CDK15: variants seen among roughly 807,000 people sequenced by gnomAD.
CDK15 encodes cyclin-dependent kinase 15.
Under a neutral mutation model 60.3 loss-of-function variants are expected in CDK15, and 62 were observed. The observed-to-expected ratio is 1.03, with a 90% CI of 0.84 to 1.27. The LOEUF is 1.27. CDK15 is among the 50% of genes most tolerant of loss of function. CDK15 has a pLI of 0.00. For synonymous variants in CDK15, 194 were observed against 195.7 expected, an observed-to-expected ratio of 0.99 and a Z score of 0.07; for missense variants, 541 against 527.8, an observed-to-expected ratio of 1.03 and a Z score of -0.25.
intron 8 of CDK15, among the ~76,000 whole-genome samples, chr2:201,836,073 T>TATTTATATATA (rs56275763): frequency 8.0e-4 from 85 of 106,664 alleles, no homozygotes; most frequent in Admixed American, 4.1e-4. Context: ...TATATTTATA[T>TATTTATATATA]TTATATATAT....
intron 10 of CDK15, among the ~76,000 whole-genome samples, chr2:201,860,536 C>T (rs1317170797): frequency 4.6e-5 from 7 of 152,250 alleles, no homozygotes; most frequent in East Asian, 3.9e-4. Flanking sequence ...GGGAAGCATC[C>T]GGGATTATCC....
intron 6 of CDK15, 71 bp from the exon 7 acceptor site, chr2:201,833,776 GT>G: frequency 1.5e-6 from 2 of 1,298,900 alleles, no homozygotes; most frequent in South Asian, 1.6e-5. Context: ...TGAGATGACT[GT>G]TTTTGATTTA....
intron 4 of CDK15, among the ~76,000 whole-genome samples, chr2:201,821,977 G>A (rs1482990310): frequency 3.9e-5 from 6 of 152,138 alleles, no homozygotes; most frequent in Admixed American, 1.3e-4. Flanking sequence ...TACCACGCCC[G>A]GCCTCATGGT....
intron 4 of CDK15, among the ~76,000 whole-genome samples, chr2:201,813,924 A>G (rs1349402860): frequency 2.6e-5 from 4 of 152,352 alleles, no homozygotes; most frequent in East Asian, 3.9e-4. Context: ...AGTGTTTAAT[A>G]TAATGGAAAC....
At chr2:201,807,977 A>C in intron 3 of CDK15, 25 bp downstream of exon 3, 1 of 1,591,280 alleles carries the variant, frequency 6.3e-7, no homozygotes, top group Non-Finnish European at 8.6e-7. Context: ...GCTGGGAGAG[A>C]CTTTAGAGAT....
chr2:201,878,251 G>A (rs1232050458), intron 11 of CDK15, among the ~76,000 whole-genome samples: 1 of 152,154 alleles, frequency 6.6e-6, no homozygotes, highest in Non-Finnish European at 1.5e-5. Context: ...TTCAAGCATT[G>A]TAAGTAAATG....
At chr2:201,870,458 G>A (rs971231168) in intron 10 of CDK15, among the ~76,000 whole-genome samples, 14 of 150,666 alleles carry the variant, frequency 9.3e-5, no homozygotes, top group South Asian at 4.2e-4. Context: ...CCTGTAATCC[G>A]AGCACTTTGG....
At chr2:201,828,092 G>A (rs941179560) in intron 6 of CDK15, among the ~76,000 whole-genome samples, 4 of 152,214 alleles carry the variant, frequency 2.6e-5, no homozygotes, top group African/African-American at 7.2e-5. Context: ...TTTGACTGAC[G>A]AGGAGAATTG....
At chr2:201,825,646 CT>C (rs1017990295) in intron 6 of CDK15, among the ~76,000 whole-genome samples, 8 of 151,300 alleles carry the variant, frequency 5.3e-5, no homozygotes, top group African/African-American at 1.2e-4. Context: ...CATCGCGGGA[CT>C]TTTTTTTTAT....
intron 10 of CDK15, chr2:201,860,902 C>T (rs1698367291): frequency 7.4e-7 from 1 of 1,344,570 alleles, no homozygotes; most frequent in Non-Finnish European, 9.8e-7. Context: ...TAAAATGATC[C>T]TTGTCCCCAC....
At chr2:201,872,432 T>A (rs1381623805) in intron 11 of CDK15, 106 bp downstream of exon 11, 1 of 1,180,554 alleles carries the variant, frequency 8.5e-7, no homozygotes. Context: ...AGCACTTCCA[T>A]GTGGGGGCTC....
At chr2:201,843,160 C>A (rs867298547) in intron 8 of CDK15, among the ~76,000 whole-genome samples, 20 of 152,022 alleles carry the variant, frequency 1.3e-4, no homozygotes, top group African/African-American at 4.1e-4. Flanking sequence ...CAGTTCTGAA[C>A]AGAAATGAAA....
intron 12 of CDK15, among the ~76,000 whole-genome samples, chr2:201,884,187 CTCTT>C (rs890025614): frequency 2.0e-5 from 3 of 152,234 alleles, no homozygotes; most frequent in East Asian, 3.8e-4. Flanking sequence ...AAGGCTGTCT[CTCTT>C]TCTCTCTCTC....
At chr2:201,807,386 A>C (rs755752551) in intron 1 of CDK15, 108 bp from the exon 2 acceptor site, 1 of 1,204,158 alleles carries the variant, frequency 8.3e-7, no homozygotes, top group Non-Finnish European at 1.1e-6. Context: ...GGAAGCTTAG[A>C]AAACATTTGA....
At chr2:201,823,400 C>T (rs879051138) in intron 5 of CDK15, among the ~76,000 whole-genome samples, 3 of 152,114 alleles carry the variant, frequency 2.0e-5, no homozygotes, top group South Asian at 2.1e-4. Flanking sequence ...ATTCCTGCGT[C>T]GTTGTGTTCA....
In CDK15 at chr2:201,890,859, G is replaced by A; in HGVS notation, c.1273G>A (p.Gly425Ser). ...TGACCTTTTGGCCTCCTACCAGAAA[G>A]GTCACCACCCAGCCCAGTTTAGCAA... Reference protein sequence around the residue: ...MCDLLASYQKGHHPAQFSKCW With the variant: ...MCDLLASYQKSHHPAQFSKCW The change falls in exon 13 of 14, where the codon GGT becomes AGT. Residue 425 changes from glycine (G) to serine (S), a missense_variant. Physicochemically the swap from Gly to Ser is moderately conservative, Grantham distance 56. Transcript: ENST00000652192. 6.2e-7 allele frequency: 1 copy of A among 1,613,742 alleles called. No individual in the cohort carries two copies. Among genetic ancestry groups the A allele is most frequent in the Non-Finnish European group, 8.5e-7 (1 of 1,179,816 alleles).
intron 10 of CDK15, among the ~76,000 whole-genome samples, chr2:201,866,954 G>A (rs950789599): frequency 1.3e-5 from 2 of 152,096 alleles, no homozygotes; most frequent in African/African-American, 4.8e-5. Flanking sequence ...GAGGTGGGAG[G>A]GGCGTCAGCA....
rs535526256 is a variant in CDK15, at chr2:201,811,907, T to C, written c.369-576T>C. ...CCACTACAAGGCTGGGCTTGGTGGCTCGTGCCTGTAATCCCAGCACTTTGG... is the reference window on the plus strand; with the variant it reads ...CCACTACAAGGCTGGGCTTGGTGGCCCGTGCCTGTAATCCCAGCACTTTGG... On this transcript the variant is annotated intron_variant, in intron 3 of 13. Coordinates refer to ENST00000652192, the MANE Select transcript of CDK15 (RefSeq NM_001366386.2). Among the ~76,000 whole-genome samples the C allele has an allele frequency of 1.5e-4, 23 of 152,282 alleles. 1 individual carries two copies. The South Asian group carries it at 4.8e-3, about 32-fold the overall frequency.
chr2:201,850,349 C>T (rs752929823), intron 9 of CDK15, among the ~76,000 whole-genome samples: 1 of 152,246 alleles, frequency 6.6e-6, no homozygotes, highest in Non-Finnish European at 1.5e-5. Context: ...AATCATTTTA[C>T]GGTTCTTTAG....
Sources: allele counts gnomAD v4.1 joint callset (sites outside exome capture counted in the v4.1 genomes callset), GRCh38; gene constraint gnomAD v4.1.1; transcripts MANE v1.5; gene names NCBI Gene and HGNC (gene_info 2026-07-23, HGNC 2026-07-21).